Variants in FLRT1 observed in about 807,000 individuals in gnomAD.
FLRT1 encodes the protein fibronectin leucine rich transmembrane protein 1.
Under a neutral mutation model 30.9 loss-of-function variants are expected in FLRT1, and 14 were observed. That is an observed-to-expected ratio of 0.45 (90% confidence interval 0.30 to 0.71). The LOEUF (loss-of-function observed/expected upper bound fraction) is 0.71. FLRT1 is among the 30% of genes least tolerant of loss of function. FLRT1 has a pLI of 0.08. For synonymous variants in FLRT1, 368 were observed against 430.4 expected, an observed-to-expected ratio of 0.85 and a Z score of 1.80; for missense variants, 737 against 949.2, an observed-to-expected ratio of 0.78 and a Z score of 2.94.
intron 1 of FLRT1, among the ~76,000 whole-genome samples, chr11:64,051,104 G>C (rs1204364408): frequency 6.6e-6 from 1 of 152,230 alleles, no homozygotes; most frequent in African/African-American, 2.4e-5. Context: ...CATGGATGCT[G>C]CCTGTGGGTG....
chr11:64,065,682 T>C (rs969690433), intron 1 of FLRT1, among the ~76,000 whole-genome samples: 3 of 147,638 alleles, frequency 2.0e-5, no homozygotes, highest in South Asian at 4.3e-4. Flanking sequence ...CCCAGCTACT[T>C]GGGAGGCTGA....
intron 1 of FLRT1, among the ~76,000 whole-genome samples, chr11:64,047,780 C>A (rs903412693): frequency 2.7e-4 from 41 of 151,958 alleles, no homozygotes; most frequent in Admixed American, 4.6e-4. Flanking sequence ...GCCTGTAATC[C>A]CAGCAACTCG....
At chr11:64,048,607 C>G (rs558565337) in intron 1 of FLRT1, among the ~76,000 whole-genome samples, 1 of 152,182 alleles carries the variant, frequency 6.6e-6, no homozygotes, top group Non-Finnish European at 1.5e-5. Flanking sequence ...GCAGCCCCAG[C>G]GGAATTCTTA....
At chr11:64,050,370 G>A (rs1943669893) in intron 1 of FLRT1, among the ~76,000 whole-genome samples, 1 of 152,200 alleles carries the variant, frequency 6.6e-6, no homozygotes, top group South Asian at 2.1e-4. Flanking sequence ...GGCCACCTAG[G>A]GGCAGCTGGA....
At position 64,091,870 on chromosome 11, in the gene FLRT1, C is replaced by T. The variant is rs1353934545; in HGVS notation, c.-1037-11324C>T. 3.3e-5 allele frequency among the ~76,000 whole-genome samples: 5 copies of T among 152,312 alleles called. No individual in the cohort carries two copies. The East Asian group carries it at 9.6e-4, about 29-fold the overall frequency. On this transcript the variant is annotated intron_variant, in intron 1 of 2. Transcript: ENST00000682287. ...GCCAAAGGCAGGAGCACCAGAGCGG[C>T]TGCTGGGCCAATCCCACCATCTGGC...
intron 1 of FLRT1, among the ~76,000 whole-genome samples, chr11:64,098,998 T>C (rs542593822): frequency 6.6e-6 from 1 of 152,242 alleles, no homozygotes; most frequent in Non-Finnish European, 1.5e-5. Context: ...AAGGCAGCTA[T>C]GAACTGTAAA....
intron 1 of FLRT1, among the ~76,000 whole-genome samples, chr11:64,061,225 A>T (rs763532504): frequency 3.9e-4 from 59 of 152,236 alleles, no homozygotes; most frequent in Non-Finnish European, 1.6e-4. Flanking sequence ...TAATAAATGC[A>T]TTTGGAGTAA....
intron 1 of FLRT1, among the ~76,000 whole-genome samples, chr11:64,091,553 T>A (rs967954814): frequency 6.6e-6 from 1 of 152,078 alleles, no homozygotes; most frequent in African/African-American, 2.4e-5. Flanking sequence ...CAGGGAGAGC[T>A]GGGCCAGTCC....
chr11:64,069,329 C>T (rs1420639161), intron 1 of FLRT1, among the ~76,000 whole-genome samples: 1 of 152,196 alleles, frequency 6.6e-6, no homozygotes, highest in African/African-American at 2.4e-5. Context: ...AGCCGAAGAG[C>T]CTGGGGGGCA....
chr11:64,060,810 G>C (rs2134436790), intron 1 of FLRT1, among the ~76,000 whole-genome samples: 1 of 152,332 alleles, frequency 6.6e-6, no homozygotes, highest in South Asian at 2.1e-4. Context: ...TTTGAGTCCT[G>C]CAGCCCCCGG....
chr11:64,090,513 C>T lies in FLRT1; in HGVS notation c.-1037-12681C>T, dbSNP rs1944470352. 6.6e-6 allele frequency among the ~76,000 whole-genome samples: 1 copy of T among 152,064 alleles called. No individual in the cohort carries two copies. The highest frequency in any genetic ancestry group is 2.4e-5 in the African/African-American group (1 of 41,410). Reference sequence around the variant, plus strand: ...AGGCCAAATAACCACATTTGCTTCCCCGGGCCCTCCCTCGACCGGCTCTGC... The same window carrying T: ...AGGCCAAATAACCACATTTGCTTCCTCGGGCCCTCCCTCGACCGGCTCTGC... On this transcript the variant is annotated intron_variant, in intron 1 of 2. Coordinates refer to ENST00000682287, the MANE Select transcript of FLRT1 (RefSeq NM_013280.5). This position sits in a 1 kb window ranked among gnomAD's most constrained non-coding sequence, Gnocchi z 4.7.
intron 1 of FLRT1, among the ~76,000 whole-genome samples, chr11:64,085,362 G>A (rs1177757395): frequency 3.9e-5 from 6 of 152,214 alleles, no homozygotes; most frequent in South Asian, 4.1e-4. Flanking sequence ...AATCGAATTC[G>A]TGCTAATATT....
intron 1 of FLRT1, chr11:64,060,578 G>A: frequency 6.6e-6 from 1 of 152,348 alleles, no homozygotes. Context: ...GCTGGGCAGT[G>A]GCCTCCCATG....
chr11:64,106,248 C>T (rs1166586903), intron 2 of FLRT1, among the ~76,000 whole-genome samples: 1 of 152,114 alleles, frequency 6.6e-6, no homozygotes, highest in African/African-American at 2.4e-5. Flanking sequence ...AGACCTTTCC[C>T]TTTGCCTCTT....
intron 1 of FLRT1, among the ~76,000 whole-genome samples, chr11:64,098,421 G>A (rs1228408779): frequency 6.6e-6 from 1 of 152,182 alleles, no homozygotes; most frequent in Non-Finnish European, 1.5e-5. Context: ...CTCCCAACAT[G>A]CTGAGCCCAT....
At chr11:64,061,873 CTTTTTT>C (rs57666180) in intron 1 of FLRT1, among the ~76,000 whole-genome samples, 4 of 99,116 alleles carry the variant, frequency 4.0e-5, no homozygotes, top group Non-Finnish European at 7.7e-5. Context: ...ACCACGCTGG[CTTTTTT>C]TTTTTTTTTT....
intron 1 of FLRT1, chr11:64,060,793 C>T (rs1167831204): frequency 6.6e-6 from 1 of 152,210 alleles, no homozygotes; most frequent in Non-Finnish European, 1.5e-5. Flanking sequence ...CTCTCGAATG[C>T]CCAGTCTTTG....
intron 1 of FLRT1, among the ~76,000 whole-genome samples, chr11:64,089,503 C>T (rs1334191553): frequency 2.0e-5 from 3 of 152,350 alleles, no homozygotes; most frequent in Admixed American, 2.0e-4. Flanking sequence ...CTGACTCCCC[C>T]AGGGCATTCT....
At chr11:64,091,434 C>G (rs905301566) in intron 1 of FLRT1, among the ~76,000 whole-genome samples, 4 of 151,070 alleles carry the variant, frequency 2.6e-5, no homozygotes, top group South Asian at 2.1e-4. Context: ...AGCTTTTGCC[C>G]CAGGGCTGCA....
Sources: allele counts gnomAD v4.1 joint callset (sites outside exome capture counted in the v4.1 genomes callset), GRCh38; gene constraint gnomAD v4.1.1; non-coding constraint Gnocchi (gnomAD v3.1); transcripts MANE v1.5; gene names NCBI Gene and HGNC (gene_info 2026-07-23, HGNC 2026-07-21).